Variants in FAAP100 observed in about 807,000 individuals in gnomAD.
FAAP100 encodes the protein Fanconi anemia core complex-associated protein 100.
FAAP100 carries 46 observed loss-of-function variants against 65.8 expected under a neutral mutation model. The observed-to-expected ratio is 0.70, with a 90% CI of 0.55 to 0.89. FAAP100 has a LOEUF of 0.89. FAAP100 is among the 40% of genes least tolerant of loss of function. FAAP100 has a pLI of 0.00. For missense variants in FAAP100, 1,165 were observed against 1,196.7 expected (o/e 0.97, Z 0.39); for synonymous variants, 663 against 555.1 (o/e 1.19, Z -2.73).
At chr17:81,546,185 C>T (rs1478433268) in intron 5 of FAAP100, among the ~76,000 whole-genome samples, 6 of 152,254 alleles carry the variant, frequency 3.9e-5, no homozygotes, top group Admixed American at 3.9e-4. Context: ...ATGTTAGGAG[C>T]AGGCAGCTCC....
In FAAP100 at chr17:81,541,352, TCAGGAGCG is replaced by T; in HGVS notation, c.2463_2470del (p.Ser821ArgfsTer33). On this transcript the variant is annotated frameshift_variant, in exon 8 of 9. Transcript: ENST00000327787. LOFTEE classifies it high-confidence loss of function. ...CTGGCGGAGGTACTGCACACGGAGA[TCAGGAGCG>T]CTGGAGCCCTGGGTGGCCTGCTCTG... The T allele has an allele frequency of 6.2e-7, 1 of 1,611,810 alleles. No homozygotes were observed. The highest frequency in any genetic ancestry group is 8.5e-7 in the Non-Finnish European group (1 of 1,179,814).
In FAAP100 at chr17:81,545,732, G is replaced by A. The variant is rs775229887; in HGVS notation, c.2310+14C>T. On this transcript the variant is annotated intron_variant, in intron 6 of 8. Transcript: ENST00000327787. ...TGCTGGTGCCGTGGCTCGTTTCCCT[G>A]AACCCCTGCTTGCCTCTCGGACGAT... The A allele has an allele frequency of 6.2e-6, 10 of 1,606,670 alleles. No homozygotes were observed. In the South Asian group the frequency reaches 1.1e-4, roughly 18 times the overall value.
chr17:81,547,730 G>A, intron 4 of FAAP100, 52 bp from the exon 5 acceptor site: 2 of 1,584,950 alleles, frequency 1.3e-6, no homozygotes, highest in East Asian at 2.2e-5. Flanking sequence ...CACAGCACCA[G>A]GTGCCACATC....
intron 3 of FAAP100, among the ~76,000 whole-genome samples, chr17:81,549,677 A>C (rs2033424115): frequency 6.6e-6 from 1 of 152,194 alleles, no homozygotes; most frequent in Admixed American, 6.5e-5. Context: ...CATGCTCACA[A>C]GGTGAGCACA....
At position 81,550,486 on chromosome 17, in the gene FAAP100, G is replaced by C. The variant is rs201500435; in HGVS notation, c.1008C>G (p.Pro336=). 1 of 1,612,484 alleles carries C rather than the reference G, an allele frequency of 6.2e-7. No individual in the cohort carries two copies. The highest frequency in any genetic ancestry group is 1.1e-5 in the South Asian group (1 of 91,086). Residue 336 remains proline (P), a synonymous_variant, in exon 3 of 9, where the codon CCC becomes CCG. Transcript: ENST00000327787. ...CTGGGAGGCAGTACTCCCGCAGCTCGGGCACCAGCTTCCCGGACTCATCCC... is the reference window on the plus strand; with the variant it reads ...CTGGGAGGCAGTACTCCCGCAGCTCCGGCACCAGCTTCCCGGACTCATCCC... ...ASWDESGKLV[P]ELREYCLPGP...
In FAAP100 at chr17:81,552,336, G is replaced by T. The variant is rs914677574; in HGVS notation, c.-6C>A. 2 of 1,369,560 alleles carry T rather than the reference G, an allele frequency of 1.5e-6. No individual in the cohort carries two copies. The highest frequency in any genetic ancestry group is 1.9e-6 in the Non-Finnish European group (2 of 1,071,488). 84.8% of individuals were successfully genotyped at this position (1,369,560 alleles called of 1,614,324 possible). A position where few individuals can be genotyped will look rare whatever the true frequency, so the allele number is the denominator to read the frequency against. ...CGCGGCGCGGCGCCGGCCATCGTGCGCGCGGGCCCGTCAGAGTGAGAAGCC... is the reference window on the plus strand; with the variant it reads ...CGCGGCGCGGCGCCGGCCATCGTGCTCGCGGGCCCGTCAGAGTGAGAAGCC... On this transcript the variant is annotated 5_prime_UTR_variant, in exon 1 of 9. Transcript: ENST00000327787.
Position 81,545,858 on chromosome 17 carries a change from A to G in FAAP100, c.2198T>C (p.Leu733Pro), listed in dbSNP as rs1445335948. 1.2e-6 allele frequency: 2 copies of G among 1,609,162 alleles called. No homozygotes were observed. The highest frequency in any genetic ancestry group is 1.3e-5 in the African/African-American group (1 of 74,926). ...HSGVPLCCATLQWLLAENAAV... is the reference protein window; with the variant it reads ...HSGVPLCCATPQWLLAENAAV... ...AGCATTCTCAGCAAGGAGCCACTGCAGGGTGGCACAGCACAGGGGCACGCC... is the reference window on the plus strand; with the variant it reads ...AGCATTCTCAGCAAGGAGCCACTGCGGGGTGGCACAGCACAGGGGCACGCC... Residue 733 changes from leucine to proline, a missense_variant, in exon 6 of 9, where the codon CTG (leucine) becomes CCG (proline). Coordinates refer to ENST00000327787, the MANE Select transcript of FAAP100 (RefSeq NM_025161.6).
In FAAP100 at chr17:81,547,311, CG is replaced by C; in HGVS notation, c.1770del (p.Leu592SerfsTer5). The C allele has an allele frequency of 6.2e-7, 1 of 1,612,410 alleles. No individual in the cohort carries two copies. On this transcript the variant is annotated frameshift_variant, in exon 5 of 9. Transcript: ENST00000327787. LOFTEE classifies it high-confidence loss of function. ...VTLPLGPGENGGLDLPVTVSC... is the reference protein window; with the variant it reads ...VTLPLGPGENXGLDLPVTVSC... ...GACACGGTCACGGGCAGGTCGAGCC[CG>C]CCGTTCTCACCAGGGCCCAGGGGTA... is the stretch of plus-strand genomic sequence containing the variant.
rs1314161875 is a variant in FAAP100 at position 81,549,343 on chromosome 17, G to A, written c.1266C>T (p.Ala422=). 1.9e-6 allele frequency: 3 copies of A among 1,609,732 alleles called. No homozygotes were observed. Among genetic ancestry groups the A allele is most frequent in the Admixed American group, 1.7e-5 (1 of 59,904 alleles). Residue 422 remains alanine, a synonymous_variant, in exon 4 of 9, where the codon GCC becomes GCT. Transcript: ENST00000327787. ...TCATCAGGCGGCCTTTGGCGGACAG[G>A]GCCAGGAGCTTGGTGCCACCTGGTG... ...RTHEGGTKLL[A]LSAKGRLMTC...
At position 81,547,394 on chromosome 17, in the gene FAAP100, A is replaced by G. The variant is rs764303990; in HGVS notation, c.1688T>C (p.Ile563Thr). The G allele has an allele frequency of 4.0e-5, 64 of 1,612,844 alleles. No individual in the cohort carries two copies. Among genetic ancestry groups the G allele is most frequent in the South Asian group, 6.6e-5 (6 of 91,086 alleles). Reference sequence around the variant, plus strand: ...CTGGTCCACGGGGATGGTGTAGGTGATGGCGGAGCAGGCCGAGTCCAGGTC... The same window carrying G: ...CTGGTCCACGGGGATGGTGTAGGTGGTGGCGGAGCAGGCCGAGTCCAGGTC... The part of the protein sequence containing the change: ...ALDLDSACSA[I>T]TYTIPVDQLG... Residue 563 changes from isoleucine (I) to threonine (T), a missense_variant, in exon 5 of 9, where the codon ATC becomes ACC. Ile to Thr is a moderately conservative substitution (Grantham distance 89). Transcript: ENST00000327787.
At chr17:81,545,939 G>C (rs774909228) in intron 5 of FAAP100, 57 bp from the exon 6 acceptor site, 1 of 1,556,238 alleles carries the variant, frequency 6.4e-7, no homozygotes, top group Admixed American at 1.8e-5. Flanking sequence ...GGGCTCAGCC[G>C]ATCCTACCAG....
At position 81,540,088 on chromosome 17, in the gene FAAP100, C is replaced by T. The variant is rs961701742; in HGVS notation, c.*731G>A. 1.8e-5 allele frequency: 7 copies of T among 398,304 alleles called. No homozygotes were observed. The East Asian group carries it at 2.5e-4, about 14-fold the overall frequency. 24.7% of individuals were successfully genotyped at this position (398,304 alleles called of 1,614,324 possible). ...GGGCTCAGGGCCCCCCCCCGGGCCA[C>T]AGCGCCACCCTGAGTGGCCCTGAAA... On this transcript the variant is annotated 3_prime_UTR_variant, in exon 9 of 9. Coordinates refer to ENST00000327787, the MANE Select transcript of FAAP100 (RefSeq NM_025161.6).
intron 5 of FAAP100, 120 bp downstream of exon 5, chr17:81,546,789 G>A: frequency 9.3e-7 from 1 of 1,079,010 alleles, no homozygotes; most frequent in South Asian, 3.3e-5. Flanking sequence ...AGGAGCTCGA[G>A]GCTGCAGTGA....
Position 81,547,543 on chromosome 17 carries a change from G to A in FAAP100, c.1539C>T (p.Thr513=). 6.2e-7 allele frequency: 1 copy of A among 1,613,486 alleles called. No homozygotes were observed. Among genetic ancestry groups the A allele is most frequent in the Non-Finnish European group, 8.5e-7 (1 of 1,180,016 alleles). ...CATCCTGTGTCTGCAGGCGGCTCCA[G>A]GTGGTGCTGGTGGTGCAGGAGATGG... is the stretch of plus-strand genomic sequence containing the variant. The part of the protein sequence containing the change: ...PRPISCTTST[T]WSRLQTQDVL... Residue 513 remains threonine (T), a synonymous_variant, in exon 5 of 9, where the codon ACC becomes ACT. Coordinates refer to ENST00000327787, the MANE Select transcript of FAAP100 (RefSeq NM_025161.6).
chr17:81,552,340 G>A lies in FAAP100; in HGVS notation c.-10C>T. The stretch of plus-strand genomic sequence containing the variant: ...GCGCGGCGCCGGCCATCGTGCGCGC[G>A]GGCCCGTCAGAGTGAGAAGCCCCGG... On this transcript the variant is annotated 5_prime_UTR_variant, in exon 1 of 9. Transcript: ENST00000327787. The A allele has an allele frequency of 7.3e-7, 1 of 1,366,104 alleles. No homozygotes were observed. Among genetic ancestry groups the A allele is most frequent in the Non-Finnish European group, 9.3e-7 (1 of 1,069,882 alleles). 84.6% of individuals were successfully genotyped at this position (1,366,104 alleles called of 1,614,324 possible).
Position 81,547,642 on chromosome 17 carries a change from G to C in FAAP100, c.1440C>G (p.Asn480Lys). ...CCTCGTTGAGGCTTGTCAGTGCCTT[G>C]TTCCGCTGGTCAACCGCCTTCTTTA... ...SFLKKAVDQRNKALTSLNEAM... is the reference protein window; with the variant it reads ...SFLKKAVDQRKKALTSLNEAM... The change falls in exon 5 of 9, where the codon AAC (asparagine) becomes AAG (lysine). Residue 480 changes from asparagine (N) to lysine (K), a missense_variant. By Grantham distance (94) the Asn-to-Lys change is moderately conservative (BLOSUM62 0). Coordinates refer to ENST00000327787, the MANE Select transcript of FAAP100 (RefSeq NM_025161.6). 1 of 1,611,600 alleles carries C rather than the reference G, an allele frequency of 6.2e-7. No homozygotes were observed. Among genetic ancestry groups the C allele is most frequent in the Non-Finnish European group, 8.5e-7 (1 of 1,178,646 alleles).
chr17:81,547,851 C>T (rs1165503037), intron 4 of FAAP100, 173 bp from the exon 5 acceptor site: 1 of 851,332 alleles, frequency 1.2e-6, no homozygotes, highest in Non-Finnish European at 1.9e-6. Flanking sequence ...CTCCCGGCCC[C>T]ACCCACACCG....
rs767871487 is a variant in FAAP100, at chr17:81,547,508, G to A, written c.1574C>T (p.Ala525Val). The A allele has an allele frequency of 2.6e-5, 42 of 1,613,330 alleles. No homozygotes were observed. Among genetic ancestry groups the A allele is most frequent in the African/African-American group, 4.0e-5 (3 of 74,930 alleles). Residue 525 changes from alanine to valine, a missense_variant, in exon 5 of 9, where the codon GCC (alanine) becomes GTC (valine). By Grantham distance (64) the Ala-to-Val change is moderately conservative. Transcript: ENST00000327787. ...GCTGCTGTTCTCTAGCACGCAGGTG[G>A]CCATGAGCACATCCTGTGTCTGCAG... The part of the protein sequence containing the change: ...SRLQTQDVLM[A>V]TCVLENSSSF...
intron 5 of FAAP100, 31 bp downstream of exon 5, chr17:81,546,878 A>G: frequency 7.3e-7 from 1 of 1,360,614 alleles, no homozygotes; most frequent in Non-Finnish European, 9.5e-7. Flanking sequence ...AAAATCCCCA[A>G]GGCTGAGCAA....
Sources: gnomAD v4.1 joint callset for allele counts (sites outside exome capture counted in the v4.1 genomes callset) on GRCh38, gnomAD v4.1.1 for gene constraint, MANE v1.5 for transcripts, NCBI Gene and HGNC (gene_info 2026-07-23, HGNC 2026-07-21) for gene names.